FREM3: variants seen among roughly 807,000 people sequenced by gnomAD.
FREM3 encodes FRAS1-related extracellular matrix protein 3.
In FREM3, 105 loss-of-function variants were observed where a neutral mutation model predicts 129.1. That is an observed-to-expected ratio of 0.81 (90% CI 0.69 to 0.96). The LOEUF (loss-of-function observed/expected upper bound fraction) is 0.96. FREM3 is among the 40% of genes least tolerant of loss of function. The pLI is 0.00. For synonymous variants in FREM3, 1,014 were observed against 1,044.9 expected (o/e 0.97, Z 0.57); for missense variants, 2,593 against 2,666.3 (o/e 0.97, Z 0.61).
chr4:143,685,572 A>G (rs543065407), intron 2 of FREM3, among the ~76,000 whole-genome samples: 1 of 152,370 alleles, frequency 6.6e-6, no homozygotes, highest in South Asian at 2.1e-4. Flanking sequence ...GACAGGACCT[A>G]TAAAACAAAA....
chr4:143,689,318 G>A (rs1447930247), intron 2 of FREM3, among the ~76,000 whole-genome samples: 7 of 151,932 alleles, frequency 4.6e-5, no homozygotes, highest in African/African-American at 1.5e-4. Flanking sequence ...AATCAAGACC[G>A]CAATGAGATA....
intron 2 of FREM3, among the ~76,000 whole-genome samples, chr4:143,645,888 C>T (rs1264079486): frequency 2.6e-5 from 4 of 152,124 alleles, no homozygotes; most frequent in African/African-American, 9.7e-5. Context: ...CTTACAAAAT[C>T]TCATATCTTA....
chr4:143,591,434 G>A (rs2149834987), intron 6 of FREM3, among the ~76,000 whole-genome samples: 1 of 152,270 alleles, frequency 6.6e-6, no homozygotes, highest in African/African-American at 2.4e-5. Flanking sequence ...ATTCTGCTAT[G>A]TTGTGTCTTT....
At chr4:143,650,104 C>T (rs902471525) in intron 2 of FREM3, among the ~76,000 whole-genome samples, 2 of 152,212 alleles carry the variant, frequency 1.3e-5, no homozygotes, top group African/African-American at 4.8e-5. Flanking sequence ...CCAGTTCATA[C>T]ATCTGATGAT....
At position 143,661,349 on chromosome 4, in the gene FREM3, A is replaced by T. The variant is rs906402629; in HGVS notation, c.5275+31764T>A. Among the ~76,000 whole-genome samples the T allele has an allele frequency of 2.6e-4, 40 of 152,216 alleles. No homozygotes were observed. The South Asian group carries it at 5.2e-3, about 20-fold the overall frequency. On this transcript the variant is annotated intron_variant, in intron 2 of 7. Coordinates refer to ENST00000329798, the MANE Select transcript of FREM3 (RefSeq NM_001168235.2). ...TTTTCTGCATCTATTGAGATAATCAAGTGGTTTTTGTCTTTGGTTCTGTTT... is the reference window on the plus strand; with the variant it reads ...TTTTCTGCATCTATTGAGATAATCATGTGGTTTTTGTCTTTGGTTCTGTTT...
At chr4:143,637,200 C>T (rs1175016793) in intron 2 of FREM3, among the ~76,000 whole-genome samples, 1 of 152,168 alleles carries the variant, frequency 6.6e-6, no homozygotes, top group Non-Finnish European at 1.5e-5. Context: ...GTTACTCTGA[C>T]TTGTGACTTC....
intron 2 of FREM3, among the ~76,000 whole-genome samples, chr4:143,675,923 C>G (rs1740111605): frequency 6.6e-6 from 1 of 151,984 alleles, no homozygotes. Flanking sequence ...AAAAAAAGTC[C>G]AGGACCAGAT....
intron 2 of FREM3, among the ~76,000 whole-genome samples, chr4:143,663,690 G>A (rs913988614): frequency 5.9e-5 from 9 of 152,058 alleles, no homozygotes; most frequent in African/African-American, 2.2e-4. Flanking sequence ...TTTCCAACTT[G>A]GTTCCATTCT....
chr4:143,600,626 G>C (rs1738554924), intron 6 of FREM3, among the ~76,000 whole-genome samples: 1 of 151,996 alleles, frequency 6.6e-6, no homozygotes, highest in Non-Finnish European at 1.5e-5. Flanking sequence ...AATAATCCTA[G>C]GTCTACTTCT....
intron 2 of FREM3, among the ~76,000 whole-genome samples, chr4:143,678,107 A>G (rs943075948): frequency 6.6e-5 from 10 of 152,224 alleles, no homozygotes; most frequent in African/African-American, 2.4e-4. Flanking sequence ...TTACTGGGGC[A>G]CTATTCACAA....
chr4:143,664,582 A>G (rs1739815079), intron 2 of FREM3, among the ~76,000 whole-genome samples: 1 of 152,128 alleles, frequency 6.6e-6, no homozygotes, highest in Non-Finnish European at 1.5e-5. Context: ...TCAGATCTCC[A>G]GCTGCATGCT....
intron 2 of FREM3, among the ~76,000 whole-genome samples, chr4:143,644,113 A>T (rs1358617247): frequency 1.3e-5 from 2 of 152,144 alleles, no homozygotes; most frequent in East Asian, 3.9e-4. Context: ...AATTGACAAG[A>T]GAACAATCCA....
chr4:143,695,439 C>G, intron 1 of FREM3, 52 bp downstream of exon 1: 2 of 1,414,166 alleles, frequency 1.4e-6, no homozygotes, highest in Non-Finnish European at 1.9e-6. Flanking sequence ...GCTGAGAGAT[C>G]TGATCCAATG....
chr4:143,660,005 G>A (rs1372624148), intron 2 of FREM3, among the ~76,000 whole-genome samples: 11 of 149,636 alleles, frequency 7.4e-5, no homozygotes, highest in African/African-American at 2.5e-4. Context: ...TGAGTAGGTT[G>A]TGAAAATTTT....
At chr4:143,680,953 A>T (rs1385448998) in intron 2 of FREM3, among the ~76,000 whole-genome samples, 1 of 152,112 alleles carries the variant, frequency 6.6e-6, no homozygotes, top group Admixed American at 6.6e-5. Context: ...ATAGGAATTC[A>T]TATGGACCAC....
intron 2 of FREM3, among the ~76,000 whole-genome samples, chr4:143,633,912 G>A (rs1464895502): frequency 6.6e-6 from 1 of 152,076 alleles, no homozygotes; most frequent in East Asian, 1.9e-4. Flanking sequence ...CATTAAAACA[G>A]TGACAGTGGA....
chr4:143,592,791 G>A (rs934618006), intron 6 of FREM3, among the ~76,000 whole-genome samples: 2 of 152,178 alleles, frequency 1.3e-5, no homozygotes, highest in Admixed American at 1.3e-4. Context: ...GGCCTGCCTT[G>A]CTAGATTGGG....
intron 2 of FREM3, among the ~76,000 whole-genome samples, chr4:143,666,645 A>G (rs1013585431): frequency 5.9e-5 from 9 of 152,176 alleles, no homozygotes; most frequent in Non-Finnish European, 1.3e-4. Flanking sequence ...AAAATATTGT[A>G]TGATTCCACT....
At chr4:143,662,597 G>T (rs1016066902) in intron 2 of FREM3, among the ~76,000 whole-genome samples, 11 of 151,212 alleles carry the variant, frequency 7.3e-5, no homozygotes, top group African/African-American at 2.7e-4. Flanking sequence ...TGTCTATTAG[G>T]TCCGCTTGGT....
Sources: allele counts gnomAD v4.1 joint callset (sites outside exome capture counted in the v4.1 genomes callset), GRCh38; gene constraint gnomAD v4.1.1; transcripts MANE v1.5; gene names NCBI Gene and HGNC (gene_info 2026-07-23, HGNC 2026-07-21).